The following NSD1 variants were observed in gnomAD, a reference collection of about 807,000 sequenced individuals.
NSD1 encodes the protein nuclear receptor binding SET domain protein 1, also known as histone-lysine N-methyltransferase, H3 lysine-36 specific.
Under a neutral mutation model 242.7 loss-of-function variants are expected in NSD1, and 26 were observed. The observed-to-expected ratio is 0.11, with a 90% CI of 0.08 to 0.15. NSD1 has a LOEUF of 0.15. Ranked by LOEUF, NSD1 falls within the 10% of genes least tolerant of loss-of-function variation. The probability of loss-of-function intolerance (pLI) is 1.00; values close to 1 mark genes in which losing one functional copy is unlikely to be tolerated. For missense variants in NSD1, 2,495 were observed against 3,272.8 expected (o/e 0.76, Z 5.80); for synonymous variants, 1,106 against 1,178.1 (o/e 0.94, Z 1.25).
At chr5:177,137,585 C>T (rs190082084) in intron 2 of NSD1, among the ~76,000 whole-genome samples, 2 of 152,248 alleles carry the variant, frequency 1.3e-5, no homozygotes, top group African/African-American at 4.8e-5. Flanking sequence ...GGTGGGTAGG[C>T]TGTTTTGAAA....
At position 177,138,662 on chromosome 5, in the gene NSD1, G is replaced by C. The variant is rs370982393; in HGVS notation, c.927+2632G>C. 3.6e-4 allele frequency among the ~76,000 whole-genome samples: 54 copies of C among 150,620 alleles called. No homozygotes were observed. The East Asian group carries it at 6.9e-3, about 19-fold the overall frequency. ...CTGAAGACATTTTTTTTTTTGAGAC[G>C]AAGTTTCACTCTTGTTGCCCAGGCT... is the stretch of plus-strand genomic sequence containing the variant. On this transcript the variant is annotated intron_variant, in intron 2 of 22. Transcript: ENST00000439151.
At chr5:177,279,146 A>G (rs1758635222) in intron 17 of NSD1, among the ~76,000 whole-genome samples, 1 of 152,202 alleles carries the variant, frequency 6.6e-6, no homozygotes, top group Non-Finnish European at 1.5e-5. Context: ...GAGGAACTCA[A>G]ATTACACACA....
Position 177,214,360 on chromosome 5 carries a change from C to CA in NSD1, c.3796+2172dup, listed in dbSNP as rs535588214. The stretch of plus-strand genomic sequence containing the variant: ...GAAACCCCATTTCAAAATAAACAAA[C>CA]AAAAAAACAGTATTTAAGTGTGTAT... On this transcript the variant is annotated intron_variant, in intron 5 of 22. Coordinates refer to ENST00000439151, the MANE Select transcript of NSD1 (RefSeq NM_022455.5). Among the ~76,000 whole-genome samples, 22 of 151,832 alleles carry CA rather than the reference C, an allele frequency of 1.4e-4. No homozygotes were observed. The South Asian group carries it at 3.9e-3, about 27-fold the overall frequency.
intron 5 of NSD1, among the ~76,000 whole-genome samples, chr5:177,214,517 A>C (rs138138489): frequency 2.0e-5 from 3 of 152,150 alleles, no homozygotes; most frequent in African/African-American, 7.2e-5. Context: ...GACAACTAAC[A>C]TTCTTTCTGC....
At chr5:177,247,058 G>A (rs1766355644) in intron 10 of NSD1, among the ~76,000 whole-genome samples, 6 of 152,160 alleles carry the variant, frequency 3.9e-5, no homozygotes, top group Admixed American at 3.9e-4. Flanking sequence ...GTGTTTCATC[G>A]TTAAGTAAAC....
At chr5:177,173,061 AG>A (rs1759848857) in intron 2 of NSD1, among the ~76,000 whole-genome samples, 1 of 151,246 alleles carries the variant, frequency 6.6e-6, no homozygotes, top group African/African-American at 2.4e-5. Context: ...TGGGAGGCCT[AG>A]GTGGGCAGAT....
intron 17 of NSD1, among the ~76,000 whole-genome samples, 181 bp from the exon 18 acceptor site, chr5:177,280,384 T>A (rs1330613009): frequency 6.6e-6 from 1 of 152,154 alleles, no homozygotes. Flanking sequence ...AAGCAATTCT[T>A]GTGGAGTTCA....
chr5:177,267,524 T>C, intron 14 of NSD1, 38 bp from the exon 15 acceptor site: 1 of 1,603,286 alleles, frequency 6.2e-7, no homozygotes, highest in Non-Finnish European at 8.5e-7. Flanking sequence ...TGACTTGCAG[T>C]CTTGTGATCT....
chr5:177,182,211 G>A (rs370034975), intron 2 of NSD1, among the ~76,000 whole-genome samples: 2 of 152,092 alleles, frequency 1.3e-5, no homozygotes, highest in East Asian at 1.9e-4. Context: ...CAGTTACTTG[G>A]GAGGCCAATG....
chr5:177,247,805 A>G (rs1766421804), intron 10 of NSD1: 1 of 577,946 alleles, frequency 1.7e-6, no homozygotes, highest in South Asian at 7.5e-5. Flanking sequence ...ATGATGCAGA[A>G]TGTTTCTTTC....
At chr5:177,139,601 T>C (rs1032274165) in intron 2 of NSD1, among the ~76,000 whole-genome samples, 1 of 152,212 alleles carries the variant, frequency 6.6e-6, no homozygotes, top group Admixed American at 6.6e-5. Flanking sequence ...ATATAGTAGG[T>C]ATTGTTACTA....
chr5:177,198,861 C>A (rs1660046369), intron 3 of NSD1, among the ~76,000 whole-genome samples: 1 of 152,220 alleles, frequency 6.6e-6, no homozygotes, highest in African/African-American at 2.4e-5. Flanking sequence ...AAAATATATT[C>A]ATCACCCTAA....
chr5:177,173,010 A>G (rs1759843754), intron 2 of NSD1, among the ~76,000 whole-genome samples: 1 of 151,242 alleles, frequency 6.6e-6, no homozygotes, highest in Non-Finnish European at 1.5e-5. Context: ...TTAGAATTAA[A>G]TTAAGCCGGG....
intron 2 of NSD1, among the ~76,000 whole-genome samples, chr5:177,187,159 C>T (rs1208584914): frequency 7.6e-6 from 1 of 132,266 alleles, no homozygotes; most frequent in African/African-American, 2.9e-5. Flanking sequence ...GGCTGGAATG[C>T]AGTGGTAAGA....
chr5:177,203,984 T>C, intron 3 of NSD1, 136 bp from the exon 4 acceptor site: 1 of 852,756 alleles, frequency 1.2e-6, no homozygotes, highest in Non-Finnish European at 2.0e-6. Flanking sequence ...TATGATCTAT[T>C]CTAGGTTGTC....
chr5:177,226,180 G>A (rs1764614712), intron 5 of NSD1, among the ~76,000 whole-genome samples: 1 of 152,128 alleles, frequency 6.6e-6, no homozygotes, highest in Non-Finnish European at 1.5e-5. Context: ...CCAGGTAGCT[G>A]GGACTACAGG....
At chr5:177,268,597 A>G (rs1242668598) in intron 15 of NSD1, among the ~76,000 whole-genome samples, 1 of 152,164 alleles carries the variant, frequency 6.6e-6, no homozygotes, top group African/African-American at 2.4e-5. Flanking sequence ...AAGAAATAGA[A>G]CACTGTTGGT....
chr5:177,149,850 C>G (rs967923412), intron 2 of NSD1, among the ~76,000 whole-genome samples: 1 of 152,172 alleles, frequency 6.6e-6, no homozygotes, highest in Non-Finnish European at 1.5e-5. Flanking sequence ...CTGAGAGGAC[C>G]AGTACCATTC....
At chr5:177,185,445 A>G (rs1042634161) in intron 2 of NSD1, among the ~76,000 whole-genome samples, 2 of 151,370 alleles carry the variant, frequency 1.3e-5, no homozygotes, top group Non-Finnish European at 2.9e-5. Flanking sequence ...TAAAAATACA[A>G]AAATTAGCCG....
Sources: gnomAD v4.1 joint callset for allele counts (sites outside exome capture counted in the v4.1 genomes callset) on GRCh38, gnomAD v4.1.1 for gene constraint, MANE v1.5 for transcripts, NCBI Gene and HGNC (gene_info 2026-07-23, HGNC 2026-07-21) for gene names.